The following SPIDR variants were observed in gnomAD, a reference collection of about 807,000 sequenced individuals.
SPIDR encodes the protein DNA repair-scaffolding protein.
A neutral mutation model predicts 104.6 loss-of-function variants in SPIDR; 93 were observed. That is an observed-to-expected ratio of 0.89 (90% CI 0.75 to 1.06). The LOEUF is 1.06. Among genes scored for constraint, SPIDR ranks in the 50% least tolerant of loss-of-function variants. The probability of loss-of-function intolerance (pLI) is 0.00; values close to 1 mark genes in which losing one functional copy is unlikely to be tolerated. For missense variants in SPIDR, 1,154 were observed against 1,111.2 expected, an observed-to-expected ratio of 1.04 and a Z score of -0.55; for synonymous variants, 431 against 416.9, an observed-to-expected ratio of 1.03 and a Z score of -0.41.
chr8:47,350,052 G>A (rs973570465), intron 5 of SPIDR, among the ~76,000 whole-genome samples: 8 of 152,184 alleles, frequency 5.3e-5, no homozygotes, highest in Non-Finnish European at 5.9e-5. Flanking sequence ...CTTCTGCGTC[G>A]CTCATGCTGG....
intron 7 of SPIDR, among the ~76,000 whole-genome samples, chr8:47,420,909 AT>A (rs1396145668): frequency 1.3e-5 from 2 of 152,070 alleles, no homozygotes; most frequent in Non-Finnish European, 2.9e-5. Context: ...GTTGAAAATT[AT>A]TTTCTTTAAG....
At chr8:47,587,559 G>A (rs947216300) in intron 8 of SPIDR, among the ~76,000 whole-genome samples, 1 of 148,270 alleles carries the variant, frequency 6.7e-6, no homozygotes, top group East Asian at 2.0e-4. Flanking sequence ...GCTGTGAGCC[G>A]AGATGTTGCC....
intron 1 of SPIDR, among the ~76,000 whole-genome samples, chr8:47,274,615 T>A (rs978044098): frequency 3.3e-5 from 5 of 151,610 alleles, no homozygotes; most frequent in Non-Finnish European, 5.9e-5. Flanking sequence ...TCTCGCTCTA[T>A]CACCCATGCT....
At chr8:47,621,231 A>G (rs1347033972) in intron 10 of SPIDR, among the ~76,000 whole-genome samples, 1 of 152,258 alleles carries the variant, frequency 6.6e-6, no homozygotes, top group Non-Finnish European at 1.5e-5. Flanking sequence ...CTGGGATTAC[A>G]GGCGTGAGCC....
chr8:47,594,178 G>A lies in SPIDR; in HGVS notation c.1098-1633G>A, dbSNP rs367925846. Among the ~76,000 whole-genome samples the A allele has an allele frequency of 2.7e-4, 29 of 107,284 alleles. No individual in the cohort carries two copies. The Middle Eastern group carries it at 0.037, about 139-fold the overall frequency. The allele number at this position is 107,284 out of a possible 152,430, so 70.4% of individuals were successfully genotyped here. A position where few individuals can be genotyped will look rare whatever the true frequency, so the allele number is the denominator to read the frequency against. Reference sequence around the variant, plus strand: ...AGTTTGAGACCAGCCTGGTCACCATGATGAAACCCAGTCTCTACAAAAAAA... The same window carrying A: ...AGTTTGAGACCAGCCTGGTCACCATAATGAAACCCAGTCTCTACAAAAAAA... On this transcript the variant is annotated intron_variant, in intron 8 of 19. Transcript: ENST00000297423.
At chr8:47,612,077 A>G (rs1254480235) in intron 10 of SPIDR, among the ~76,000 whole-genome samples, 1 of 152,200 alleles carries the variant, frequency 6.6e-6, no homozygotes, top group Non-Finnish European at 1.5e-5. Flanking sequence ...CAGGTTGTCT[A>G]CAGCTCCTAG....
chr8:47,418,172 A>G (rs1358991846), intron 7 of SPIDR, among the ~76,000 whole-genome samples: 1 of 152,210 alleles, frequency 6.6e-6, no homozygotes, highest in Non-Finnish European at 1.5e-5. Flanking sequence ...AGTCATTGGT[A>G]GCTTGATGGG....
At chr8:47,418,017 G>T (rs1321381001) in intron 7 of SPIDR, among the ~76,000 whole-genome samples, 5 of 152,154 alleles carry the variant, frequency 3.3e-5, no homozygotes, top group African/African-American at 1.2e-4. Flanking sequence ...TGGTGTTTTT[G>T]TTACTGTAGC....
At chr8:47,525,557 T>C (rs2084845902) in intron 8 of SPIDR, among the ~76,000 whole-genome samples, 1 of 140,414 alleles carries the variant, frequency 7.1e-6, no homozygotes, top group African/African-American at 2.5e-5. Flanking sequence ...TCCCAGCATT[T>C]TGGGAGGCCA....
At chr8:47,265,188 CTTT>C (rs397892978) in intron 1 of SPIDR, among the ~76,000 whole-genome samples, 3 of 108,988 alleles carry the variant, frequency 2.8e-5, no homozygotes, top group Non-Finnish European at 1.8e-5. Flanking sequence ...TCTCAGTTGT[CTTT>C]TTTTTTTTTT....
At chr8:47,724,359 A>G (rs980770137) in intron 16 of SPIDR, among the ~76,000 whole-genome samples, 1 of 152,200 alleles carries the variant, frequency 6.6e-6, no homozygotes, top group South Asian at 2.1e-4. Context: ...CTAGGCAGTG[A>G]CCTACTCCTA....
intron 8 of SPIDR, among the ~76,000 whole-genome samples, chr8:47,441,872 C>T (rs2069512492): frequency 6.6e-6 from 1 of 152,076 alleles, no homozygotes; most frequent in Admixed American, 6.6e-5. Context: ...CAAATGGCCA[C>T]GAGGAGTCCC....
At chr8:47,600,710 T>C (rs958885864) in intron 10 of SPIDR, among the ~76,000 whole-genome samples, 1 of 152,228 alleles carries the variant, frequency 6.6e-6, no homozygotes. Flanking sequence ...CATAGGTTTT[T>C]GTTTTGTGTT....
intron 5 of SPIDR, among the ~76,000 whole-genome samples, chr8:47,375,700 A>G (rs1460698426): frequency 6.6e-6 from 1 of 152,150 alleles, no homozygotes; most frequent in Non-Finnish European, 1.5e-5. Context: ...TCCTGGGCTC[A>G]GGGGATCTCC....
rs201735323 is a variant in SPIDR, at chr8:47,685,505, A to ATTTTTTTTT, written c.1685+11567_1685+11568insTTTTTTTTT. Among the ~76,000 whole-genome samples, 508 of 104,244 alleles carry ATTTTTTTTT rather than the reference A, an allele frequency of 4.9e-3. 23 individuals are homozygous for ATTTTTTTTT. Among genetic ancestry groups the ATTTTTTTTT allele is most frequent in the Non-Finnish European group, 8.4e-3 (349 of 41,542 alleles). 68.4% of individuals were successfully genotyped at this position (104,244 alleles called of 152,430 possible). ...TATTTATTTATTTATTTATTTATTT[A>ATTTTTTTTT]TTTATTTATTTATTTTTTTGAGACA... On this transcript the variant is annotated intron_variant, in intron 11 of 19. Coordinates refer to ENST00000297423, the MANE Select transcript of SPIDR (RefSeq NM_001080394.4).
intron 6 of SPIDR, among the ~76,000 whole-genome samples, chr8:47,399,458 A>C (rs1448825933): frequency 6.6e-6 from 1 of 152,208 alleles, no homozygotes; most frequent in Non-Finnish European, 1.5e-5. Flanking sequence ...TCCAGTAAAT[A>C]GGGCAGTCCT....
chr8:47,705,109 G>A (rs1486618607), intron 14 of SPIDR, among the ~76,000 whole-genome samples: 3 of 152,222 alleles, frequency 2.0e-5, no homozygotes, highest in East Asian at 1.9e-4. Flanking sequence ...GGCTGAGACC[G>A]AGGTTGAAAG....
intron 8 of SPIDR, among the ~76,000 whole-genome samples, chr8:47,564,602 CT>C (rs762562346): frequency 3.9e-4 from 59 of 151,330 alleles, no homozygotes; most frequent in Admixed American, 1.3e-4. Flanking sequence ...ATCTCTTGAA[CT>C]CGGGAGGCAG....
At chr8:47,361,051 C>T in intron 5 of SPIDR, 1 of 885,002 alleles carries the variant, frequency 1.1e-6, no homozygotes, top group Non-Finnish European at 1.4e-6. Flanking sequence ...AAATGTTCAA[C>T]TGATAAATGG....
Sources: gnomAD v4.1 joint callset for allele counts (sites outside exome capture counted in the v4.1 genomes callset) on GRCh38, gnomAD v4.1.1 for gene constraint, MANE v1.5 for transcripts, NCBI Gene and HGNC (gene_info 2026-07-23, HGNC 2026-07-21) for gene names.